Variants in RPH3A observed in about 807,000 individuals in gnomAD.
RPH3A encodes rabphilin-3A.
Under a neutral mutation model 102.2 loss-of-function variants are expected in RPH3A, and 48 were observed. The observed-to-expected ratio is 0.47, with a 90% confidence interval of 0.37 to 0.60. The LOEUF is 0.60. Ranked by LOEUF, RPH3A falls within the 20% of genes least tolerant of loss-of-function variation. The pLI, the probability that RPH3A is intolerant of heterozygous loss-of-function variation, is 0.00. For missense variants in RPH3A, 781 were observed against 910.1 expected, an observed-to-expected ratio of 0.86 and a Z score of 1.83; for synonymous variants, 310 against 324.3, an observed-to-expected ratio of 0.96 and a Z score of 0.47.
chr12:112,816,605 C>T (rs1165327423), intron 2 of RPH3A, among the ~76,000 whole-genome samples: 1 of 152,156 alleles, frequency 6.6e-6, no homozygotes, highest in African/African-American at 2.4e-5. Flanking sequence ...CCAGCTTCCC[C>T]AGGGAAAGGG....
chr12:112,810,965 ATATGTG>A (rs2041564070), intron 2 of RPH3A, among the ~76,000 whole-genome samples: 1 of 63,516 alleles, frequency 1.6e-5, no homozygotes, highest in South Asian at 8.8e-4. Context: ...GTGTGTACAT[ATATGTG>A]TGTGTGTGTG....
intron 1 of RPH3A, among the ~76,000 whole-genome samples, chr12:112,669,952 T>A (rs1021214492): frequency 2.6e-5 from 4 of 152,380 alleles, no homozygotes; most frequent in Middle Eastern, 6.8e-3. Flanking sequence ...TTGATGGATA[T>A]GTGGATTTTT....
chr12:112,633,493 G>C (rs1268928527), intron 1 of RPH3A, among the ~76,000 whole-genome samples: 1 of 152,116 alleles, frequency 6.6e-6, no homozygotes, highest in Non-Finnish European at 1.5e-5. Context: ...GGCCTTATAA[G>C]AAGAGGAAGA....
At chr12:112,824,533 T>A (rs1429259141) in intron 2 of RPH3A, among the ~76,000 whole-genome samples, 3 of 152,156 alleles carry the variant, frequency 2.0e-5, no homozygotes, top group African/African-American at 7.2e-5. Context: ...GGTGGACACA[T>A]GCCTTCCTGT....
At chr12:112,865,607 C>T (rs2042599208) in intron 6 of RPH3A, 64 bp downstream of exon 6, 4 of 1,556,912 alleles carry the variant, frequency 2.6e-6, no homozygotes, top group Admixed American at 1.8e-5. Context: ...GTCCTAGGCT[C>T]CAGCTGTAGG....
intron 1 of RPH3A, among the ~76,000 whole-genome samples, chr12:112,607,205 G>T (rs370626588): frequency 3.9e-5 from 6 of 152,168 alleles, no homozygotes; most frequent in Non-Finnish European, 7.3e-5. Flanking sequence ...TTTGTAAAAT[G>T]CATGGGTTCA....
chr12:112,827,371 A>G (rs1341363137), intron 2 of RPH3A, among the ~76,000 whole-genome samples: 1 of 152,208 alleles, frequency 6.6e-6, no homozygotes, highest in East Asian at 1.9e-4. Flanking sequence ...CCTATGTCAT[A>G]GCGTATGTCA....
At chr12:112,741,254 A>G (rs1020812789) in intron 1 of RPH3A, among the ~76,000 whole-genome samples, 3 of 152,126 alleles carry the variant, frequency 2.0e-5, no homozygotes, top group African/African-American at 7.2e-5. Flanking sequence ...CACCGTAGGA[A>G]TTTTCTCATC....
chr12:112,834,732 G>C (rs10850085), intron 3 of RPH3A, among the ~76,000 whole-genome samples: 1 of 151,770 alleles, frequency 6.6e-6, no homozygotes, highest in South Asian at 2.1e-4. Flanking sequence ...TTTTTCATTC[G>C]TGTAACTTTT....
chr12:112,883,166 T>A (rs1593125497), intron 15 of RPH3A, 127 bp from the exon 16 acceptor site: 1 of 657,344 alleles, frequency 1.5e-6, no homozygotes, highest in South Asian at 1.8e-5. Flanking sequence ...CATTTGGGAA[T>A]AACTAAGCCC....
intron 1 of RPH3A, among the ~76,000 whole-genome samples, chr12:112,786,388 C>T (rs1177318353): frequency 6.6e-6 from 1 of 152,206 alleles, no homozygotes; most frequent in African/African-American, 2.4e-5. Flanking sequence ...CGTGTTCTTT[C>T]TCTTTCTCTT....
rs141089554 is a variant in RPH3A at position 112,846,635 on chromosome 12, G to A, written c.84-1061G>A. On this transcript the variant is annotated intron_variant, in intron 4 of 21. Coordinates refer to ENST00000389385, the MANE Select transcript of RPH3A (RefSeq NM_001143854.2). ...GAAGGGACCAAGCCTGGCGGCTAAT[G>A]GGGGGCAGGCTCCTGAGGATTCAGA... 3.3e-3 allele frequency among the ~76,000 whole-genome samples: 496 copies of A among 152,354 alleles called. 4 individuals carry two copies. Among genetic ancestry groups the A allele is most frequent in the African/African-American group, 0.011 (449 of 41,578 alleles).
At chr12:112,633,599 G>A (rs1342278397) in intron 1 of RPH3A, among the ~76,000 whole-genome samples, 1 of 152,150 alleles carries the variant, frequency 6.6e-6, no homozygotes. Context: ...CAGCAAGAAG[G>A]TCCTCACCAG....
chr12:112,776,615 C>T (rs1162333878), intron 1 of RPH3A, among the ~76,000 whole-genome samples: 3 of 152,046 alleles, frequency 2.0e-5, no homozygotes, highest in African/African-American at 2.4e-5. Context: ...TGGCTCACGC[C>T]TGTAATCCCA....
chr12:112,862,756 C>G (rs1205792753), intron 5 of RPH3A, among the ~76,000 whole-genome samples: 7 of 152,218 alleles, frequency 4.6e-5, no homozygotes, highest in African/African-American at 1.7e-4. Context: ...CAGCACCTCT[C>G]TCGAATGGAA....
chr12:112,591,863 A>T (rs2039481454), intron 1 of RPH3A, among the ~76,000 whole-genome samples: 1 of 152,188 alleles, frequency 6.6e-6, no homozygotes, highest in African/African-American at 2.4e-5. Context: ...AGCTCGAGCC[A>T]GGTCATCCAG....
chr12:112,770,838 G>A (rs1234192144), intron 1 of RPH3A, among the ~76,000 whole-genome samples: 1 of 152,198 alleles, frequency 6.6e-6, no homozygotes, highest in Admixed American at 6.5e-5. Flanking sequence ...CGGTAGTGTG[G>A]TGGTATGGCT....
intron 1 of RPH3A, among the ~76,000 whole-genome samples, chr12:112,667,654 G>A (rs556458652): frequency 1.4e-5 from 2 of 138,034 alleles, no homozygotes; most frequent in Non-Finnish European, 3.1e-5. Flanking sequence ...CATGGGCAGA[G>A]ATGAATAAAG....
At chr12:112,853,928 C>G (rs1565920733) in intron 5 of RPH3A, among the ~76,000 whole-genome samples, 2 of 152,154 alleles carry the variant, frequency 1.3e-5, no homozygotes, top group Admixed American at 6.5e-5. Context: ...ATAATGCATA[C>G]TAAGTGAACC....
Sources: gnomAD v4.1 joint callset for allele counts (sites outside exome capture counted in the v4.1 genomes callset) on GRCh38, gnomAD v4.1.1 for gene constraint, MANE v1.5 for transcripts, NCBI Gene and HGNC (gene_info 2026-07-23, HGNC 2026-07-21) for gene names.